Variants in RFC3 observed in about 807,000 individuals in gnomAD.
The protein encoded by RFC3 is A1 38 kDa subunit.
RFC3 carries 41 observed loss-of-function variants against 45.1 expected under a neutral mutation model. The observed-to-expected ratio is 0.91, with a 90% CI of 0.71 to 1.18. The LOEUF is 1.18. Among genes scored for constraint, RFC3 ranks in the 50% most tolerant of loss-of-function variants. The probability of loss-of-function intolerance (pLI) is 0.00; values close to 1 mark genes in which losing one functional copy is unlikely to be tolerated. For synonymous variants in RFC3, 149 were observed against 144.0 expected, an observed-to-expected ratio of 1.03 and a Z score of -0.25; for missense variants, 423 against 428.1, an observed-to-expected ratio of 0.99 and a Z score of 0.10.
intron 8 of RFC3, among the ~76,000 whole-genome samples, chr13:33,883,476 C>G (rs969327765): frequency 4.6e-5 from 7 of 152,054 alleles, no homozygotes; most frequent in African/African-American, 1.7e-4. Context: ...GTGGTGGTAG[C>G]TACATTAACC....
intron 1 of RFC3, 24 bp downstream of exon 1, chr13:33,818,289 G>A (rs2081966761): frequency 1.9e-6 from 3 of 1,604,236 alleles, no homozygotes; most frequent in African/African-American, 1.3e-5. Context: ...GGCCGGGAGC[G>A]TGGGAGAGGG....
chr13:33,925,055 A>ACACACATATATAGTG (rs1465748103), intron 8 of RFC3, among the ~76,000 whole-genome samples: 2 of 145,542 alleles, frequency 1.4e-5, no homozygotes, highest in Non-Finnish European at 3.0e-5. Flanking sequence ...ACATATATAT[A>ACACACATATATAGTG]TACACATATA....
intron 8 of RFC3, among the ~76,000 whole-genome samples, chr13:33,943,682 T>C (rs992017476): frequency 6.6e-6 from 1 of 152,190 alleles, no homozygotes; most frequent in Non-Finnish European, 1.5e-5. Context: ...TGTAGTCCTC[T>C]TCCAAGTTCA....
intron 8 of RFC3, among the ~76,000 whole-genome samples, chr13:33,872,768 A>C (rs184625978): frequency 2.4e-3 from 354 of 147,166 alleles, no homozygotes; most frequent in African/African-American, 8.3e-3. Context: ...AAAACAAAAC[A>C]GAACAAAAAA....
intron 8 of RFC3, among the ~76,000 whole-genome samples, chr13:33,915,464 T>G (rs904128764): frequency 1.3e-5 from 2 of 152,264 alleles, no homozygotes; most frequent in South Asian, 2.1e-4. Flanking sequence ...ATAATTATTA[T>G]TACAGAAGAA....
At chr13:33,931,564 G>C (rs1254637378) in intron 8 of RFC3, among the ~76,000 whole-genome samples, 2 of 152,110 alleles carry the variant, frequency 1.3e-5, no homozygotes, top group African/African-American at 2.4e-5. Context: ...CAAAATTACT[G>C]TCACAGTGTG....
intron 8 of RFC3, among the ~76,000 whole-genome samples, chr13:33,923,166 G>T (rs1053877421): frequency 3.9e-5 from 6 of 152,062 alleles, no homozygotes; most frequent in Non-Finnish European, 8.8e-5. Flanking sequence ...TGTATTCTTT[G>T]TGACATAGAG....
chr13:33,853,261 T>G (rs1012201118), intron 8 of RFC3, among the ~76,000 whole-genome samples: 5 of 152,192 alleles, frequency 3.3e-5, no homozygotes, highest in African/African-American at 7.2e-5. Context: ...ATTAATATCT[T>G]AAGTTCTAAC....
At chr13:33,818,724 A>C (rs1250786470) in intron 1 of RFC3, among the ~76,000 whole-genome samples, 2 of 152,168 alleles carry the variant, frequency 1.3e-5, no homozygotes, top group African/African-American at 2.4e-5. Flanking sequence ...CCGTTGGAGC[A>C]TTTTGAGCGG....
intron 8 of RFC3, among the ~76,000 whole-genome samples, chr13:33,953,339 A>G (rs2137838282): frequency 6.6e-6 from 1 of 151,450 alleles, no homozygotes; most frequent in East Asian, 1.9e-4. Flanking sequence ...AAAAAAAAAA[A>G]AAAAAGCCCA....
At chr13:33,952,567 C>T (rs1380042696) in intron 8 of RFC3, among the ~76,000 whole-genome samples, 1 of 152,190 alleles carries the variant, frequency 6.6e-6, no homozygotes, top group African/African-American at 2.4e-5. Context: ...GAATGCTGTT[C>T]ACATACAGAG....
At chr13:33,893,117 T>G (rs1344255700) in intron 8 of RFC3, among the ~76,000 whole-genome samples, 2 of 152,058 alleles carry the variant, frequency 1.3e-5, no homozygotes, top group East Asian at 3.9e-4. Context: ...CCCTGGAAAC[T>G]CTGATCTGTA....
chr13:33,854,478 A>T (rs2082296611), intron 8 of RFC3, among the ~76,000 whole-genome samples: 2 of 152,238 alleles, frequency 1.3e-5, no homozygotes, highest in African/African-American at 4.8e-5. Flanking sequence ...ATTTAATTTC[A>T]GAAGCAACAA....
intron 8 of RFC3, among the ~76,000 whole-genome samples, chr13:33,901,316 A>T (rs2082640503): frequency 6.6e-6 from 1 of 152,092 alleles, no homozygotes. Flanking sequence ...ATGAATGGAT[A>T]AAAAAATGTG....
intron 8 of RFC3, among the ~76,000 whole-genome samples, chr13:33,891,782 A>C (rs7322863): frequency 0.19 from 28,558 of 152,146 alleles, 5,938 homozygotes; most frequent in African/African-American, 0.52. Context: ...TAGACACATA[A>C]CACATATAAT....
At chr13:33,900,685 G>A (rs1477504355) in intron 8 of RFC3, among the ~76,000 whole-genome samples, 1 of 151,460 alleles carries the variant, frequency 6.6e-6, no homozygotes, top group Admixed American at 6.6e-5. Flanking sequence ...AGGACAAATG[G>A]GATTACATCA....
intron 5 of RFC3, among the ~76,000 whole-genome samples, 166 bp from the exon 6 acceptor site, chr13:33,830,553 A>G (rs1244885048): frequency 3.9e-5 from 6 of 152,204 alleles, no homozygotes; most frequent in Non-Finnish European, 7.3e-5. Context: ...TAGGGATAAT[A>G]TGCAACATTG....
chr13:33,921,764 C>G (rs2082770326), intron 8 of RFC3, among the ~76,000 whole-genome samples: 1 of 152,100 alleles, frequency 6.6e-6, no homozygotes, highest in South Asian at 2.1e-4. Flanking sequence ...ATTTGCTTAT[C>G]TCTTCCTCCA....
chr13:33,901,379 A>G (rs1207922009), intron 8 of RFC3, among the ~76,000 whole-genome samples: 1 of 152,098 alleles, frequency 6.6e-6, no homozygotes, highest in African/African-American at 2.4e-5. Context: ...AAATCTTGCC[A>G]TTTTCAGCAA....
Sources: allele counts gnomAD v4.1 joint callset (sites outside exome capture counted in the v4.1 genomes callset), GRCh38; gene constraint gnomAD v4.1.1; transcripts MANE v1.5; gene names NCBI Gene and HGNC (gene_info 2026-07-23, HGNC 2026-07-21).